The following CYP4F2 variants were observed in gnomAD, a reference collection of about 807,000 sequenced individuals.
CYP4F2 encodes cytochrome P450 family 4 subfamily F member 2.
A neutral mutation model predicts 58.9 loss-of-function variants in CYP4F2; 58 were observed. That is an observed-to-expected ratio of 0.98 (90% CI 0.80 to 1.23). CYP4F2 has a LOEUF of 1.23. Ranked by LOEUF, CYP4F2 falls within the 50% of genes most tolerant of loss-of-function variation. CYP4F2 has a pLI of 0.00. For missense variants in CYP4F2, 616 were observed against 685.6 expected, an observed-to-expected ratio of 0.90 and a Z score of 1.13; for synonymous variants, 287 against 261.1, an observed-to-expected ratio of 1.10 and a Z score of -0.95.
Position 15,886,057 on chromosome 19 carries a change from G to A in CYP4F2, c.986-4C>T. ...CCACTGGCCGTGGTGTCATGGCCTG[G>A]GGGGCAGCAAGGCAGGCTTGGGTCT... On this transcript the variant is annotated splice_region_variant and splice_polypyrimidine_tract_variant and intron_variant, in intron 8 of 12. Transcript: ENST00000221700. 1 of 1,613,034 alleles carries A rather than the reference G, an allele frequency of 6.2e-7. No homozygotes were observed.
chr19:15,881,378 A>T (rs990405159), intron 9 of CYP4F2, among the ~76,000 whole-genome samples: 1 of 152,248 alleles, frequency 6.6e-6, no homozygotes, highest in Non-Finnish European at 1.5e-5. Flanking sequence ...AAAGGGCAAA[A>T]AGTATATGAA....
In CYP4F2 at chr19:15,895,487, C is replaced by A; in HGVS notation, c.343+19G>T. The stretch of plus-strand genomic sequence containing the variant: ...GCAGGCCTCAAATGCACTGCCCCAC[C>A]AGCTGTTCCAGATGGTACCTGAGGC... On this transcript the variant is annotated intron_variant, in intron 3 of 12. Coordinates refer to ENST00000221700, the MANE Select transcript of CYP4F2 (RefSeq NM_001082.5). The A allele has an allele frequency of 2.7e-6, 4 of 1,484,170 alleles. No homozygotes were observed. Among genetic ancestry groups the A allele is most frequent in the Non-Finnish European group, 3.6e-6 (4 of 1,124,278 alleles). 91.9% of individuals were successfully genotyped at this position (1,484,170 alleles called of 1,614,324 possible).
intron 6 of CYP4F2, among the ~76,000 whole-genome samples, chr19:15,889,946 T>G (rs935449956): frequency 6.6e-6 from 1 of 152,036 alleles, no homozygotes; most frequent in African/African-American, 2.4e-5. Flanking sequence ...ATTCTCCTAT[T>G]CTCTCTTTCC....
rs961135745 is a variant in CYP4F2, at chr19:15,895,784, T to C, written c.199-134A>G. On this transcript the variant is annotated intron_variant, in intron 2 of 12. Transcript: ENST00000221700. ...GTCTAATCTATTCATCCTATCTATC[T>C]AATTTTTCTATCTATATATCTATCT... 5 of 1,121,412 alleles carry C rather than the reference T, an allele frequency of 4.5e-6. No homozygotes were observed. In the African/African-American group the frequency reaches 8.3e-5, roughly 19 times the overall value. The allele number at this position is 1,121,412 out of a possible 1,614,324, so 69.5% of individuals were successfully genotyped here.
intron 7 of CYP4F2, 151 bp downstream of exon 7, chr19:15,889,272 T>C: frequency 2.7e-6 from 4 of 1,470,690 alleles, no homozygotes; most frequent in South Asian, 2.6e-5. Context: ...TCCACAGTCA[T>C]CTCTAAAACC....
chr19:15,879,987 C>T (rs944440335), intron 9 of CYP4F2, 90 bp from the exon 10 acceptor site: 37 of 1,571,602 alleles, frequency 2.4e-5, no homozygotes, highest in Non-Finnish European at 2.9e-5. Flanking sequence ...ACCTTTTCTC[C>T]CCGCAATAAA....
At chr19:15,893,197 C>T (rs2145012927) in intron 3 of CYP4F2, among the ~76,000 whole-genome samples, 1 of 152,294 alleles carries the variant, frequency 6.6e-6, no homozygotes, top group Middle Eastern at 3.4e-3. Flanking sequence ...GACTGTTCCT[C>T]AGGCATGACC....
chr19:15,885,244 A>C (rs554927286), intron 9 of CYP4F2, among the ~76,000 whole-genome samples: 77 of 152,078 alleles, frequency 5.1e-4, no homozygotes, highest in Middle Eastern at 3.4e-3. Context: ...CTCTCAACTG[A>C]GACACTTTCT....
intron 7 of CYP4F2, among the ~76,000 whole-genome samples, chr19:15,888,569 C>T (rs1320866196): frequency 6.6e-6 from 1 of 151,864 alleles, no homozygotes; most frequent in Non-Finnish European, 1.5e-5. Flanking sequence ...CACAGACACA[C>T]AAGTACACAT....
chr19:15,883,034 T>A (rs2089354691), intron 9 of CYP4F2, among the ~76,000 whole-genome samples: 1 of 152,196 alleles, frequency 6.6e-6, no homozygotes, highest in African/African-American at 2.4e-5. Flanking sequence ...TTGCTTGAAA[T>A]CTGGATTTTA....
intron 12 of CYP4F2, among the ~76,000 whole-genome samples, 197 bp from the exon 13 acceptor site, chr19:15,879,133 A>C (rs1033087360): frequency 2.6e-5 from 4 of 152,088 alleles, no homozygotes; most frequent in Admixed American, 2.6e-4. Flanking sequence ...AGCCTAGACC[A>C]AGGTGGGGTA....
intron 2 of CYP4F2, 68 bp downstream of exon 2, chr19:15,897,335 ACCCCCACTCCC>A: frequency 1.6e-6 from 2 of 1,245,366 alleles, no homozygotes; most frequent in Non-Finnish European, 2.3e-6. Flanking sequence ...CCACCCCTTC[ACCCCCACTCCC>A]TAAGCCTCGT....
intron 7 of CYP4F2, among the ~76,000 whole-genome samples, chr19:15,887,048 GT>G (rs1011718806): frequency 4.6e-4 from 70 of 152,004 alleles, no homozygotes; most frequent in African/African-American, 1.7e-3. Context: ...TGATCTAGAG[GT>G]TTAATGCATC....
At chr19:15,886,815 A>ATC (rs890157110) in intron 7 of CYP4F2, among the ~76,000 whole-genome samples, 4 of 151,686 alleles carry the variant, frequency 2.6e-5, no homozygotes, top group Non-Finnish European at 4.4e-5. Context: ...TTCTCACTCA[A>ATC]TCTCTCTCTC....
chr19:15,894,008 G>A (rs2089433221), intron 3 of CYP4F2: 2 of 217,674 alleles, frequency 9.2e-6, no homozygotes, highest in Admixed American at 4.1e-5. Flanking sequence ...TGTCAGTGCT[G>A]AGCACCCCCT....
chr19:15,888,722 G>A (rs946644264), intron 7 of CYP4F2, among the ~76,000 whole-genome samples: 2 of 152,028 alleles, frequency 1.3e-5, no homozygotes, highest in East Asian at 3.9e-4. Flanking sequence ...CATAAACATA[G>A]ACATAGACAG....
intron 2 of CYP4F2, among the ~76,000 whole-genome samples, chr19:15,896,963 C>T (rs2145017051): frequency 6.6e-6 from 1 of 152,288 alleles, no homozygotes; most frequent in East Asian, 1.9e-4. Context: ...GAGAAAGGTG[C>T]CTTCGGGTGT....
At chr19:15,882,711 A>G (rs908043656) in intron 9 of CYP4F2, among the ~76,000 whole-genome samples, 2 of 152,224 alleles carry the variant, frequency 1.3e-5, no homozygotes, top group African/African-American at 4.8e-5. Context: ...ATTAAAATTT[A>G]TCAATGAAAG....
rs1418366187 is a variant in CYP4F2 at position 15,879,808 on chromosome 19, AC to A, written c.1204del (p.Val402SerfsTer77). On this transcript the variant is annotated frameshift_variant, in exon 10 of 13. Coordinates refer to ENST00000221700, the MANE Select transcript of CYP4F2 (RefSeq NM_001082.5). LOFTEE classifies it high-confidence loss of function. ...HPPVPVISRH[V>X]TQDIVLPDGR... ...GTCTGGGAGCACAATGTCCTGGGTG[AC>A]ATGGCGGGAGATGACCGGGACTGGG... 6.2e-7 allele frequency: 1 copy of A among 1,614,026 alleles called. No individual in the cohort carries two copies.
Sources: allele counts gnomAD v4.1 joint callset (sites outside exome capture counted in the v4.1 genomes callset), GRCh38; gene constraint gnomAD v4.1.1; transcripts MANE v1.5; gene names NCBI Gene and HGNC (gene_info 2026-07-23, HGNC 2026-07-21).